Variants in DMD observed in about 807,000 individuals in gnomAD.
The protein encoded by DMD is mutant dystrophin.
A neutral mutation model predicts 330.1 loss-of-function variants in DMD; 63 were observed. The ratio of observed to expected loss-of-function variants is 0.19; its 90% CI spans 0.16 to 0.24. The LOEUF (loss-of-function observed/expected upper bound fraction) is 0.24. Ranked by LOEUF, DMD falls within the 10% of genes least tolerant of loss-of-function variation. DMD has a pLI of 1.00. For missense variants in DMD, 3,344 were observed against 2,684.1 expected (o/e 1.25, Z -5.43); for synonymous variants, 1,223 against 959.8 (o/e 1.27, Z -5.07).
intron 41 of DMD, among the ~76,000 whole-genome samples, chrX:32,320,437 C>G (rs5972528): frequency 9.0e-6 from 1 of 111,412 alleles, no homozygotes; most frequent in Non-Finnish European, 1.9e-5. Context: ...CAATTAAAAA[C>G]TTAGTACATC....
intron 44 of DMD, among the ~76,000 whole-genome samples, chrX:32,047,573 A>T (rs944879273): frequency 9.0e-6 from 1 of 111,583 alleles, no homozygotes; most frequent in Non-Finnish European, 1.9e-5. Context: ...AATGTGCTTT[A>T]ATTTTGTGGT....
At chrX:33,250,097 A>ATATATATATATC in intron 1 of DMD, among the ~76,000 whole-genome samples, 1 of 97,059 alleles carries the variant, frequency 1.0e-5, no homozygotes, top group African/African-American at 4.3e-5. Flanking sequence ...ATATATATAT[A>ATATATATATATC]TATATATATA....
At chrX:32,846,701 G>GA (rs1293273016) in intron 3 of DMD, among the ~76,000 whole-genome samples, 5 of 56,706 alleles carry the variant, frequency 8.8e-5, no homozygotes, top group Non-Finnish European at 1.6e-4. Context: ...CCAAAAAGAG[G>GA]AAAAAAATAA....
chrX:33,292,988 A>G (rs1284634185), intron 1 of DMD, among the ~76,000 whole-genome samples: 1 of 110,870 alleles, frequency 9.0e-6, no homozygotes, highest in Non-Finnish European at 1.9e-5. Context: ...AGGTCTGTCT[A>G]TTATCTCATG....
intron 44 of DMD, among the ~76,000 whole-genome samples, chrX:32,023,816 C>A (rs2095825134): frequency 9.0e-6 from 1 of 111,703 alleles, no homozygotes; most frequent in Admixed American, 9.5e-5. Context: ...GGCCACTATC[C>A]TAAGCACGTT....
chrX:32,389,553 T>C lies in DMD; in HGVS notation c.4466A>G (p.Glu1489Gly). 8.3e-7 allele frequency: 1 copy of C among 1,211,333 alleles called. No homozygotes were observed. Among genetic ancestry groups the C allele is most frequent in the Non-Finnish European group, 1.1e-6 (1 of 895,092 alleles). Residue 1489 changes from glutamate to glycine, a missense_variant, in exon 32 of 79, where the codon GAA becomes GGA. Physicochemically the swap from Glu to Gly is moderately conservative, Grantham distance 98. Transcript: ENST00000357033. ...DEVKMHLPAL[E>G]TKSVEQEVVQ... ...TACTTCCTGTTCCACACTCTTTGTT[T>C]CCAATGCAGGCAAGTGCATCTTCAC...
intron 17 of DMD, among the ~76,000 whole-genome samples, chrX:32,523,853 C>A (rs2046672383): frequency 9.0e-6 from 1 of 111,180 alleles, no homozygotes; most frequent in Non-Finnish European, 1.9e-5. Context: ...ATACCACCAC[C>A]TCCAATTCAC....
At chrX:32,493,356 T>A (rs1297579827) in intron 19 of DMD, among the ~76,000 whole-genome samples, 1 of 111,610 alleles carries the variant, frequency 9.0e-6, no homozygotes, top group Non-Finnish European at 1.9e-5. Flanking sequence ...CGTCAACTAT[T>A]TTCCCCTCCT....
chrX:33,161,654 C>T (rs1176644202), intron 1 of DMD, among the ~76,000 whole-genome samples: 4 of 111,104 alleles, frequency 3.6e-5, no homozygotes, highest in Non-Finnish European at 7.5e-5. Flanking sequence ...ACAATTCCTC[C>T]TTCCCATCTC....
intron 47 of DMD, among the ~76,000 whole-genome samples, chrX:31,896,095 C>A (rs866950279): frequency 1.8e-5 from 2 of 110,697 alleles, no homozygotes; most frequent in Non-Finnish European, 3.8e-5. Context: ...TTTAGTATGA[C>A]TAAAAGAAAA....
chrX:32,129,860 G>A (rs777115703), intron 44 of DMD, among the ~76,000 whole-genome samples: 85 of 110,350 alleles, frequency 7.7e-4, no homozygotes, highest in Non-Finnish European at 1.4e-3. Flanking sequence ...ACATCAGCAA[G>A]TGCCTGCAGT....
chrX:33,073,839 A>G (rs745344084), intron 1 of DMD, among the ~76,000 whole-genome samples: 27 of 96,499 alleles, frequency 2.8e-4, no homozygotes, highest in Non-Finnish European at 4.6e-4. Context: ...TCTCAAATAA[A>G]TAAATAAATA....
chrX:32,861,633 TAG>T (rs199588207), intron 2 of DMD, among the ~76,000 whole-genome samples: 1 of 111,670 alleles, frequency 9.0e-6, no homozygotes, highest in African/African-American at 3.3e-5. Flanking sequence ...AGTTACTACA[TAG>T]AGAGAGAACT....
At chrX:32,284,160 G>A (rs1285560734) in intron 43 of DMD, among the ~76,000 whole-genome samples, 1 of 111,605 alleles carries the variant, frequency 9.0e-6, no homozygotes, top group East Asian at 2.8e-4. Context: ...TTGATTCCAT[G>A]AGGTATCTGA....
intron 7 of DMD, among the ~76,000 whole-genome samples, chrX:32,712,008 G>A (rs1279729228): frequency 8.9e-6 from 1 of 112,025 alleles, no homozygotes; most frequent in Non-Finnish European, 1.9e-5. Context: ...GTAAGTGCAA[G>A]TAAGGCATTT....
chrX:32,988,986 T>A (rs940818788), intron 2 of DMD, among the ~76,000 whole-genome samples: 2 of 110,710 alleles, frequency 1.8e-5, no homozygotes, highest in Non-Finnish European at 3.8e-5. Context: ...TTAGGAAAAA[T>A]TTAATACAAA....
At chrX:32,339,561 A>G (rs746875589) in intron 41 of DMD, among the ~76,000 whole-genome samples, 10 of 111,466 alleles carry the variant, frequency 9.0e-5, no homozygotes, top group Admixed American at 8.6e-4. Context: ...GCGCTGCCTC[A>G]TGATTGTTCC....
chrX:32,732,276 C>A (rs2067792165), intron 7 of DMD, among the ~76,000 whole-genome samples: 1 of 111,046 alleles, frequency 9.0e-6, no homozygotes, highest in African/African-American at 3.3e-5. Flanking sequence ...AAGACCAAAT[C>A]TACGTCTGAT....
At chrX:31,386,101 T>C (rs1385303686) in intron 60 of DMD, among the ~76,000 whole-genome samples, 3 of 111,923 alleles carry the variant, frequency 2.7e-5, no homozygotes, top group African/African-American at 9.8e-5. Context: ...CTGGAAACCA[T>C]CATTCTCAGC....
Sources: gnomAD v4.1 joint callset for allele counts (sites outside exome capture counted in the v4.1 genomes callset) on GRCh38, gnomAD v4.1.1 for gene constraint, MANE v1.5 for transcripts, NCBI Gene and HGNC (gene_info 2026-07-23, HGNC 2026-07-21) for gene names.